Variants in PPP2CB observed in about 807,000 individuals in gnomAD.
PPP2CB encodes protein phosphatase 2 catalytic subunit beta.
A neutral mutation model predicts 39.1 loss-of-function variants in PPP2CB; 18 were observed. The ratio of observed to expected loss-of-function variants is 0.46; its 90% confidence interval spans 0.32 to 0.68. PPP2CB has a LOEUF of 0.68. Among genes scored for constraint, PPP2CB ranks in the 30% least tolerant of loss-of-function variants. PPP2CB has a pLI of 0.04. For missense variants in PPP2CB, 226 were observed against 396.9 expected (o/e 0.57, Z 3.66); for synonymous variants, 129 against 133.8 (o/e 0.96, Z 0.25).
At chr8:30,803,878 G>A (rs1011095302) in intron 1 of PPP2CB, among the ~76,000 whole-genome samples, 5 of 151,006 alleles carry the variant, frequency 3.3e-5, no homozygotes, top group Non-Finnish European at 4.4e-5. Flanking sequence ...GTGCAGTGGC[G>A]CGATCTCCAT....
intron 1 of PPP2CB, among the ~76,000 whole-genome samples, chr8:30,804,432 T>C (rs1806685018): frequency 2.0e-5 from 3 of 152,104 alleles, no homozygotes; most frequent in South Asian, 2.1e-4. Flanking sequence ...GATGCGGACT[T>C]TGGATGATCC....
At chr8:30,787,020 G>A (rs547360739) in intron 6 of PPP2CB, among the ~76,000 whole-genome samples, 68 of 152,086 alleles carry the variant, frequency 4.5e-4, no homozygotes, top group Middle Eastern at 3.4e-3. Context: ...AATTATTTTT[G>A]TGCCTCTATT....
chr8:30,801,366 A>G (rs2128761897), intron 1 of PPP2CB, among the ~76,000 whole-genome samples: 1 of 151,992 alleles, frequency 6.6e-6, no homozygotes, highest in African/African-American at 2.4e-5. Flanking sequence ...CCCCATCTCT[A>G]CTAAAAATAC....
intron 1 of PPP2CB, 130 bp downstream of exon 1, chr8:30,812,190 G>T: frequency 1.9e-6 from 1 of 530,536 alleles, no homozygotes; most frequent in Non-Finnish European, 2.7e-6. Context: ...GGACGCCGGA[G>T]CCGGACCCAC....
At chr8:30,807,969 C>T (rs781390249) in intron 1 of PPP2CB, among the ~76,000 whole-genome samples, 5 of 152,216 alleles carry the variant, frequency 3.3e-5, no homozygotes, top group African/African-American at 4.8e-5. Context: ...GGAAGCCAGA[C>T]ACACCATACC....
At chr8:30,793,743 A>G (rs1806477081) in intron 5 of PPP2CB, 174 bp downstream of exon 5, 3 of 597,198 alleles carry the variant, frequency 5.0e-6, no homozygotes, top group Non-Finnish European at 5.3e-6. Context: ...AAAATGAGTT[A>G]TAATTCTGCT....
At chr8:30,806,149 G>A (rs900086052) in intron 1 of PPP2CB, among the ~76,000 whole-genome samples, 3 of 149,970 alleles carry the variant, frequency 2.0e-5, no homozygotes, top group African/African-American at 7.4e-5. Flanking sequence ...CTGGGTTCAC[G>A]CCATCCTCTT....
intron 2 of PPP2CB, among the ~76,000 whole-genome samples, chr8:30,798,542 T>C (rs1806563185): frequency 6.6e-6 from 1 of 152,210 alleles, no homozygotes. Context: ...CAAGAGACTA[T>C]ACCATTACAG....
chr8:30,798,963 T>C (rs968677061), intron 2 of PPP2CB, among the ~76,000 whole-genome samples: 2 of 152,074 alleles, frequency 1.3e-5, no homozygotes, highest in African/African-American at 2.4e-5. Flanking sequence ...AGAAGAAACT[T>C]TGATTTGAGC....
intron 6 of PPP2CB, among the ~76,000 whole-genome samples, chr8:30,787,733 A>C (rs770309375): frequency 4.6e-5 from 7 of 151,962 alleles, no homozygotes; most frequent in Non-Finnish European, 7.4e-5. Context: ...TCATTTATTT[A>C]TATTCTTTTA....
chr8:30,790,888 G>C, intron 6 of PPP2CB: 1 of 230,644 alleles, frequency 4.3e-6, no homozygotes, highest in Non-Finnish European at 8.3e-6. Context: ...GTTTCTGTGA[G>C]AGGGATCTGG....
At chr8:30,787,630 T>G (rs930941249) in intron 6 of PPP2CB, among the ~76,000 whole-genome samples, 1 of 152,242 alleles carries the variant, frequency 6.6e-6, no homozygotes, top group African/African-American at 2.4e-5. Flanking sequence ...CCACCGCACC[T>G]GGCCAATTCC....
At chr8:30,810,812 C>T (rs1394629412) in intron 1 of PPP2CB, among the ~76,000 whole-genome samples, 1 of 152,144 alleles carries the variant, frequency 6.6e-6, no homozygotes, top group African/African-American at 2.4e-5. Flanking sequence ...ACATTACACC[C>T]GTTAAAAATA....
At position 30,799,507 on chromosome 8, in the gene PPP2CB, T is replaced by A. The variant is rs1806583036; in HGVS notation, c.312+39A>T. 2.6e-6 allele frequency: 4 copies of A among 1,558,650 alleles called. No individual in the cohort carries two copies. In the East Asian group the frequency reaches 9.0e-5, roughly 35 times the overall value. ...CTGTCATTCTTGCCTTTTGCCTGGT[T>A]TAAATCTTGAAAAAAAAATTGAATT... On this transcript the variant is annotated intron_variant, in intron 2 of 6. Transcript: ENST00000221138.
At chr8:30,792,854 T>C (rs1171895322) in intron 5 of PPP2CB, among the ~76,000 whole-genome samples, 2 of 152,280 alleles carry the variant, frequency 1.3e-5, no homozygotes, top group South Asian at 2.1e-4. Context: ...GTCTCTTTCT[T>C]ATAATCACTG....
chr8:30,794,160 T>C (rs1332354831), intron 4 of PPP2CB, 32 bp downstream of exon 4: 1 of 1,608,524 alleles, frequency 6.2e-7, no homozygotes, highest in Non-Finnish European at 8.5e-7. Context: ...TATTTTCTTT[T>C]CCTTTCTTCT....
At chr8:30,804,399 G>A (rs767066612) in intron 1 of PPP2CB, among the ~76,000 whole-genome samples, 2 of 152,068 alleles carry the variant, frequency 1.3e-5, no homozygotes, top group Non-Finnish European at 2.9e-5. Flanking sequence ...TCTGACCTGC[G>A]GACCATTAAC....
At position 30,812,813 on chromosome 8, in the gene PPP2CB, T is replaced by TCTCTCGCTCTTTCTCTCCCCTC. The variant is rs1806870519; in HGVS notation, c.-393_-392insGAGGGGAGAGAAAGAGCGAGAG. 2 of 459,234 alleles carry TCTCTCGCTCTTTCTCTCCCCTC rather than the reference T, an allele frequency of 4.4e-6. No individual in the cohort carries two copies. Among genetic ancestry groups the TCTCTCGCTCTTTCTCTCCCCTC allele is most frequent in the African/African-American group, 4.0e-5 (2 of 50,280 alleles). 28.4% of individuals were successfully genotyped at this position (459,234 alleles called of 1,614,324 possible). On this transcript the variant is annotated 5_prime_UTR_variant, in exon 1 of 7. Coordinates refer to ENST00000221138, the MANE Select transcript of PPP2CB (RefSeq NM_001009552.2). ...GCCTCTCCCGACTTGTCTTTCCCCT[T>TCTCTCGCTCTTTCTCTCCCCTC]CTCTCGCTCTTTCTCTCCCCTCCCT...
At chr8:30,792,995 G>C (rs1806463184) in intron 5 of PPP2CB, 1 of 152,058 alleles carries the variant, frequency 6.6e-6, no homozygotes, top group South Asian at 2.1e-4. Flanking sequence ...GGATTATGTT[G>C]TTTATGTTCC....
Sources: allele counts gnomAD v4.1 joint callset (sites outside exome capture counted in the v4.1 genomes callset), GRCh38; gene constraint gnomAD v4.1.1; transcripts MANE v1.5; gene names NCBI Gene and HGNC (gene_info 2026-07-23, HGNC 2026-07-21).